Variants in TGM2 observed in about 807,000 individuals in gnomAD.
TGM2 encodes protein-glutamine gamma-glutamyltransferase 2.
Under a neutral mutation model 75.6 loss-of-function variants are expected in TGM2, and 53 were observed. That is an observed-to-expected ratio of 0.70 (90% CI 0.56 to 0.88). The LOEUF is 0.88. TGM2 is among the 40% of genes least tolerant of loss of function. The pLI is 0.00. For synonymous variants in TGM2, 374 were observed against 381.1 expected (o/e 0.98, Z 0.22); for missense variants, 842 against 928.5 (o/e 0.91, Z 1.21).
intron 10 of TGM2, chr20:38,133,305 C>A: frequency 5.8e-6 from 1 of 171,224 alleles, no homozygotes; most frequent in Non-Finnish European, 1.3e-5. Flanking sequence ...TGTCTGGCCA[C>A]TCACTGGCTG....
At chr20:38,167,439 C>T (rs558475133), upstream of TGM2, among the ~76,000 whole-genome samples, 2 of 152,270 alleles carry the variant, frequency 1.3e-5, no homozygotes, top group South Asian at 2.1e-4. Flanking sequence ...CGGGCTCAAG[C>T]GATCCTCCTG....
chr20:38,160,889 G>C (rs2075244385), intron 2 of TGM2, among the ~76,000 whole-genome samples: 1 of 152,156 alleles, frequency 6.6e-6, no homozygotes, highest in Non-Finnish European at 1.5e-5. Context: ...TGGATTCAAA[G>C]TCCTAGGCTC....
intron 8 of TGM2, 151 bp downstream of exon 8, chr20:38,141,131 T>C (rs1410660288): frequency 3.3e-6 from 2 of 610,728 alleles, no homozygotes; most frequent in East Asian, 2.8e-5. Flanking sequence ...AAGTGTGTTA[T>C]TAAGATGTAA....
rs559922357 is a variant in TGM2 at position 38,132,877 on chromosome 20, G to C, written c.1616-377C>G. The C allele has an allele frequency of 1.2e-4, 55 of 460,754 alleles. 1 individual carries two copies. Among genetic ancestry groups the C allele is most frequent in the South Asian group, 6.2e-4 (40 of 64,602 alleles). 28.5% of individuals were successfully genotyped at this position (460,754 alleles called of 1,614,324 possible). A position where few individuals can be genotyped will look rare whatever the true frequency, so the allele number is the denominator to read the frequency against. On this transcript the variant is annotated intron_variant, in intron 10 of 12. Transcript: ENST00000361475. ...TGAGCGAGTGTCCCGGAAGAGCCTG[G>C]TGCGCTCGGGACTCAGGGTGTGTGA...
intron 12 of TGM2, 119 bp from the exon 13 acceptor site, chr20:38,130,488 C>CGAGAA: frequency 8.7e-7 from 1 of 1,155,212 alleles, no homozygotes; most frequent in Non-Finnish European, 1.2e-6. Context: ...ATGAATGGGC[C>CGAGAA]TCATTCTCGG....
intron 6 of TGM2, among the ~76,000 whole-genome samples, chr20:38,144,807 C>T (rs1163857487): frequency 6.6e-6 from 1 of 152,188 alleles, no homozygotes; most frequent in African/African-American, 2.4e-5. Flanking sequence ...GGTCAGACAG[C>T]CCTTTTCTTG....
chr20:38,168,191 AC>A (rs2075324739), upstream of TGM2, among the ~76,000 whole-genome samples: 1 of 152,164 alleles, frequency 6.6e-6, no homozygotes, highest in East Asian at 1.9e-4. Context: ...GCGTTGAGCA[AC>A]CCCAGGATGT....
Position 38,142,077 on chromosome 20 carries a change from T to C in TGM2, c.982A>G (p.Ser328Gly). Residue 328 changes from serine (S) to glycine (G), a missense_variant, in exon 7 of 13, where the codon AGC becomes GGC. Coordinates refer to ENST00000361475, the MANE Select transcript of TGM2 (RefSeq NM_004613.4). ...CCCCCACCTCACCAGATCATCTCGC[T>C]CTTGTCACCCTGGATCTCCCCAAAC... ...NEFGEIQGDK[S>G]EMIWNFHCWV... The C allele has an allele frequency of 6.2e-7, 1 of 1,614,132 alleles. No individual in the cohort carries two copies. The highest frequency in any genetic ancestry group is 8.5e-7 in the Non-Finnish European group (1 of 1,180,020).
At chr20:38,163,071 C>T (rs2075272635) in intron 1 of TGM2, among the ~76,000 whole-genome samples, 1 of 152,162 alleles carries the variant, frequency 6.6e-6, no homozygotes, top group Admixed American at 6.5e-5. Context: ...CCCCACGGCC[C>T]AGCCCAGGAC....
intron 6 of TGM2, 112 bp downstream of exon 6, chr20:38,146,603 TGA>T: frequency 1.6e-6 from 2 of 1,262,412 alleles, no homozygotes; most frequent in East Asian, 2.4e-5. Context: ...CATAGCGCAT[TGA>T]GAGTGTTGGT....
rs2074791469 is a variant in TGM2, at chr20:38,128,680, G to C, written c.*1539C>G. 1 of 152,196 alleles carries C rather than the reference G, an allele frequency of 6.6e-6. No individual in the cohort carries two copies. The highest frequency in any genetic ancestry group is 2.1e-4 in the South Asian group (1 of 4,830). 9.4% of individuals were successfully genotyped at this position (152,196 alleles called of 1,614,324 possible). A position where few individuals can be genotyped will look rare whatever the true frequency, so the allele number is the denominator to read the frequency against. ...CATGATTCTCTCCAAGTCCTTCCCT[G>C]GGATTTGGGGGGCCCTGGAGGCTGT... is the stretch of plus-strand genomic sequence containing the variant. On this transcript the variant is annotated 3_prime_UTR_variant, in exon 13 of 13. Coordinates refer to ENST00000361475, the MANE Select transcript of TGM2 (RefSeq NM_004613.4).
chr20:38,134,750 A>C (rs1442130650), intron 10 of TGM2, among the ~76,000 whole-genome samples: 1 of 152,198 alleles, frequency 6.6e-6, no homozygotes, highest in African/African-American at 2.4e-5. Context: ...GAAGCAGCAG[A>C]GAAAGGAGGC....
intron 12 of TGM2, 29 bp downstream of exon 12, chr20:38,131,064 G>A (rs1430325329): frequency 1.2e-6 from 2 of 1,609,678 alleles, no homozygotes; most frequent in East Asian, 2.2e-5. Context: ...CTTCCCCCAG[G>A]CCCCAAAGCT....
rs755691275 is a variant in TGM2 at position 38,137,212 on chromosome 20, C to T, written c.1615+901G>A. ...TTAAAACTTTAGTTTTGGCCAGGTGCGGTGGCTCACACCTATAATCCCAGC... is the reference window on the plus strand; with the variant it reads ...TTAAAACTTTAGTTTTGGCCAGGTGTGGTGGCTCACACCTATAATCCCAGC... On this transcript the variant is annotated intron_variant, in intron 10 of 12. Transcript: ENST00000361475. Among the ~76,000 whole-genome samples the T allele has an allele frequency of 3.3e-5, 5 of 152,278 alleles. No individual in the cohort carries two copies. The South Asian group carries it at 8.3e-4, about 25-fold the overall frequency.
At chr20:38,164,408 G>A (rs932406948) in intron 1 of TGM2, among the ~76,000 whole-genome samples, 1 of 152,168 alleles carries the variant, frequency 6.6e-6, no homozygotes, top group Admixed American at 6.5e-5. Context: ...CCCTCCAGCT[G>A]GGACCTACGA....
intron 4 of TGM2, among the ~76,000 whole-genome samples, chr20:38,149,181 C>A (rs541128166): frequency 3.3e-5 from 5 of 152,316 alleles, no homozygotes; most frequent in Non-Finnish European, 7.3e-5. Context: ...CCTAGTATGT[C>A]GTGCACACAC....
At chr20:38,165,466 G>A (rs1967207414), upstream of TGM2, 3 of 564,410 alleles carry the variant, frequency 5.3e-6, no homozygotes, top group South Asian at 6.3e-5. Flanking sequence ...TGGGGGAGCG[G>A]ACAGGGACAC....
Position 38,135,432 on chromosome 20 carries a change from C to CACAA in TGM2, c.1615+2680_1615+2681insTTGT, listed in dbSNP as rs879752080. Among the ~76,000 whole-genome samples, 9 of 150,394 alleles carry CACAA rather than the reference C, an allele frequency of 6.0e-5. No homozygotes were observed. In the South Asian group the frequency reaches 1.0e-3, roughly 17 times the overall value. ...ACACACACACACACACACACACACA[C>CACAA]ATACACACACACAAAACAGGGCTGG... On this transcript the variant is annotated intron_variant, in intron 10 of 12. Transcript: ENST00000361475.
rs368418210 is a variant in TGM2 at position 38,156,092 on chromosome 20, G to C, written c.191-3C>G. 146 of 1,611,572 alleles carry C rather than the reference G, an allele frequency of 9.1e-5. No homozygotes were observed. The highest frequency in any genetic ancestry group is 1.2e-4 in the Non-Finnish European group (146 of 1,179,580). On this transcript the variant is annotated splice_polypyrimidine_tract_variant and splice_region_variant and intron_variant, in intron 2 of 12. Coordinates refer to ENST00000361475, the MANE Select transcript of TGM2 (RefSeq NM_004613.4). ...GGCCTCCTGGCTAGGGGCTGGGCCT[G>C]TGGAGGGAGAAGCAGTAGCCGTGAG...
Sources: gnomAD v4.1 joint callset for allele counts (sites outside exome capture counted in the v4.1 genomes callset) on GRCh38, gnomAD v4.1.1 for gene constraint, MANE v1.5 for transcripts, NCBI Gene and HGNC (gene_info 2026-07-23, HGNC 2026-07-21) for gene names.